Variants in WDR19 observed in about 807,000 individuals in gnomAD.
WDR19 encodes WD repeat domain 19.
In WDR19, 121 loss-of-function variants were observed where a neutral mutation model predicts 180.0. The ratio of observed to expected loss-of-function variants is 0.67; its 90% CI spans 0.58 to 0.78. The LOEUF is 0.78. WDR19 is among the 30% of genes least tolerant of loss of function. WDR19 has a pLI of 0.00. For synonymous variants in WDR19, 497 were observed against 540.7 expected (o/e 0.92, Z 1.12); for missense variants, 1,450 against 1,640.7 (o/e 0.88, Z 2.01).
intron 26 of WDR19, 62 bp from the exon 27 acceptor site, chr4:39,255,786 G>A: frequency 1.2e-6 from 1 of 811,166 alleles, no homozygotes; most frequent in Non-Finnish European, 1.8e-6. Context: ...TTATTTTCAG[G>A]TTAGCAATAA....
At chr4:39,284,242 T>C (rs1232149172) in intron 36 of WDR19, among the ~76,000 whole-genome samples, 2 of 152,028 alleles carry the variant, frequency 1.3e-5, no homozygotes, top group South Asian at 4.1e-4. Context: ...AGTTCTTTCC[T>C]CTGTCATCTT....
intron 1 of WDR19, 127 bp downstream of exon 1, chr4:39,182,690 A>T: frequency 7.0e-7 from 1 of 1,428,298 alleles, no homozygotes; most frequent in Non-Finnish European, 9.5e-7. Flanking sequence ...AGAGAGAGAG[A>T]GAGAGGTGGC....
intron 9 of WDR19, among the ~76,000 whole-genome samples, chr4:39,206,667 A>AG (rs765319241): frequency 6.6e-6 from 1 of 152,244 alleles, no homozygotes; most frequent in Non-Finnish European, 1.5e-5. Context: ...TTCATCCTTA[A>AG]GCGCATATGT....
chr4:39,212,113 A>G (rs1276979954), intron 9 of WDR19, among the ~76,000 whole-genome samples: 2 of 152,230 alleles, frequency 1.3e-5, no homozygotes, highest in East Asian at 3.8e-4. Flanking sequence ...AAGACTATGT[A>G]TCATTGGCAG....
chr4:39,200,526 T>C (rs1247589797), intron 6 of WDR19, among the ~76,000 whole-genome samples: 5 of 152,204 alleles, frequency 3.3e-5, no homozygotes, highest in South Asian at 4.1e-4. Context: ...CAGATTGTTA[T>C]ATTCAGGGCT....
At chr4:39,195,387 C>CAAAAAAAAA (rs11372483) in intron 5 of WDR19, among the ~76,000 whole-genome samples, 31 of 141,822 alleles carry the variant, frequency 2.2e-4, no homozygotes, top group African/African-American at 3.2e-4. Context: ...AACAAAAAAA[C>CAAAAAAAAA]AAACAAACAA....
intron 36 of WDR19, among the ~76,000 whole-genome samples, chr4:39,282,347 A>G (rs988718102): frequency 4.3e-4 from 66 of 152,154 alleles, no homozygotes; most frequent in African/African-American, 1.6e-3. Context: ...AATATGGTAT[A>G]TCTCTACATT....
chr4:39,183,654 T>G (rs1725210535), intron 1 of WDR19, among the ~76,000 whole-genome samples: 1 of 152,232 alleles, frequency 6.6e-6, no homozygotes, highest in East Asian at 1.9e-4. Flanking sequence ...CCATTTTTAT[T>G]TCTAAAGCTC....
chr4:39,250,635 A>C (rs1733060302), intron 24 of WDR19, among the ~76,000 whole-genome samples: 1 of 152,210 alleles, frequency 6.6e-6, no homozygotes, highest in African/African-American at 2.4e-5. Context: ...AATCTCCTTA[A>C]GCTGATAAGC....
In WDR19 at chr4:39,203,644, A is replaced by G. The variant is rs1727602952; in HGVS notation, c.525A>G (p.Thr175=). Residue 175 remains threonine (T), a splice_region_variant and synonymous_variant, in exon 7 of 37, where the codon ACA becomes ACG. Coordinates refer to ENST00000399820, the MANE Select transcript of WDR19 (RefSeq NM_025132.4). ...TGATGATGTTTTTACTCCTTTAGAC[A>G]CAAGTGAGATCAGAGCCTAGCAACA... ...SNQEGDTIRQ[T]QVRSEPSNMQ... is the part of the protein sequence containing the mutation. The G allele has an allele frequency of 6.2e-7, 1 of 1,611,832 alleles. No individual in the cohort carries two copies. The highest frequency in any genetic ancestry group is 8.5e-7 in the Non-Finnish European group (1 of 1,178,972).
At chr4:39,231,735 G>A in intron 17 of WDR19, 62 bp from the exon 18 acceptor site, 1 of 1,447,110 alleles carries the variant, frequency 6.9e-7, no homozygotes, top group East Asian at 2.3e-5. Context: ...CATGTAGTCT[G>A]AAAATTGCCT....
chr4:39,193,616 C>A (rs895689138), intron 4 of WDR19, among the ~76,000 whole-genome samples: 3 of 152,160 alleles, frequency 2.0e-5, no homozygotes, highest in Non-Finnish European at 4.4e-5. Flanking sequence ...AATTTTTAAT[C>A]CTCAAATTCT....
chr4:39,250,455 G>A (rs1733040983), intron 24 of WDR19, among the ~76,000 whole-genome samples: 1 of 152,130 alleles, frequency 6.6e-6, no homozygotes. Flanking sequence ...AAAAGACAGG[G>A]ATGCCCTCTC....
At position 39,217,206 on chromosome 4, in the gene WDR19, C is replaced by A; in HGVS notation, c.1322C>A (p.Ala441Asp). The change falls in exon 13 of 37, where the codon GCT (alanine) becomes GAT (aspartate). Residue 441 changes from alanine to aspartate, a missense_variant. Physicochemically the swap from Ala to Asp is moderately radical, Grantham distance 126 (BLOSUM62 -2). Coordinates refer to ENST00000399820, the MANE Select transcript of WDR19 (RefSeq NM_025132.4). ...ASICLHSDYA[A>D]ALFEGKVQLH... ...ATTTGCCTTCATTCTGACTATGCTG[C>A]TGCACTTTTTGAAGGCAAAGTCCAG... The A allele has an allele frequency of 6.2e-7, 1 of 1,606,474 alleles. No homozygotes were observed. The highest frequency in any genetic ancestry group is 8.5e-7 in the Non-Finnish European group (1 of 1,176,442).
chr4:39,199,830 G>T (rs1390860999), intron 6 of WDR19, among the ~76,000 whole-genome samples: 2 of 152,042 alleles, frequency 1.3e-5, no homozygotes, highest in African/African-American at 4.8e-5. Context: ...TATTAACATG[G>T]ATTATCAGCT....
At chr4:39,272,894 C>G in intron 31 of WDR19, 86 bp from the exon 32 acceptor site, 2 of 1,118,472 alleles carry the variant, frequency 1.8e-6, no homozygotes, top group Non-Finnish European at 2.6e-6. Flanking sequence ...GGGCCATCAT[C>G]AAGGAGTTGT....
At chr4:39,207,305 T>G (rs1486890912) in intron 9 of WDR19, among the ~76,000 whole-genome samples, 1 of 152,144 alleles carries the variant, frequency 6.6e-6, no homozygotes, top group East Asian at 1.9e-4. Context: ...ACAAAATTAT[T>G]TGTCCCAGAG....
intron 6 of WDR19, among the ~76,000 whole-genome samples, chr4:39,201,287 A>G (rs1206492769): frequency 6.6e-6 from 1 of 152,170 alleles, no homozygotes; most frequent in Admixed American, 6.5e-5. Context: ...AAGAGAAGAA[A>G]TAGAGTGTAA....
intron 9 of WDR19, among the ~76,000 whole-genome samples, chr4:39,208,809 C>G (rs1005673769): frequency 1.3e-5 from 2 of 152,072 alleles, no homozygotes; most frequent in Non-Finnish European, 2.9e-5. Context: ...CTAAAGATGA[C>G]TGAAAGTATA....
Sources: gnomAD v4.1 joint callset for allele counts (sites outside exome capture counted in the v4.1 genomes callset) on GRCh38, gnomAD v4.1.1 for gene constraint, MANE v1.5 for transcripts, NCBI Gene and HGNC (gene_info 2026-07-23, HGNC 2026-07-21) for gene names.